Variants in ENOSF1 observed in about 807,000 individuals in gnomAD.
The protein encoded by ENOSF1 is enolase superfamily member 1, also known as mitochondrial enolase superfamily member 1.
ENOSF1 carries 73 observed loss-of-function variants against 68.2 expected under a neutral mutation model. The ratio of observed to expected loss-of-function variants is 1.07; its 90% CI spans 0.89 to 1.30. ENOSF1 has a LOEUF of 1.30. Among genes scored for constraint, ENOSF1 ranks in the 50% most tolerant of loss-of-function variants. The pLI is 0.00. For missense variants in ENOSF1, 589 were observed against 554.5 expected (o/e 1.06, Z -0.62); for synonymous variants, 223 against 210.4 (o/e 1.06, Z -0.52).
chr18:671,600 T>C lies in ENOSF1; in HGVS notation c.*2705A>G. 1 of 677,650 alleles carries C rather than the reference T, an allele frequency of 1.5e-6. No individual in the cohort carries two copies. Among genetic ancestry groups the C allele is most frequent in the Non-Finnish European group, 2.6e-6 (1 of 383,536 alleles). The allele number at this position is 677,650 out of a possible 1,614,324, so 42.0% of individuals were successfully genotyped here. A position where few individuals can be genotyped will look rare whatever the true frequency, so the allele number is the denominator to read the frequency against. On this transcript the variant is annotated 3_prime_UTR_variant, in exon 16 of 16. Coordinates refer to ENST00000647584, the MANE Select transcript of ENOSF1 (RefSeq NM_017512.7). ...AGTTTAGGGAGAAGTGGTGGGCAGG[T>C]GGGCAGGACAAGGCAGGCATCTGCC...
At chr18:691,980 A>G (rs2077230583) in intron 5 of ENOSF1, 1 of 152,380 alleles carries the variant, frequency 6.6e-6, no homozygotes, top group African/African-American at 2.4e-5. Flanking sequence ...ATGGTTCTGG[A>G]GCAGTGAACT....
At chr18:675,219 A>G (rs557993613) in intron 15 of ENOSF1, 102 bp downstream of exon 15, 21 of 885,884 alleles carry the variant, frequency 2.4e-5, no homozygotes, top group Middle Eastern at 3.2e-4. Flanking sequence ...TATTGCAAAC[A>G]AACAGGAGTC....
chr18:671,265 C>A lies in ENOSF1; in HGVS notation c.*3040G>T, dbSNP rs1478181036. On this transcript the variant is annotated 3_prime_UTR_variant, in exon 16 of 16. Coordinates refer to ENST00000647584, the MANE Select transcript of ENOSF1 (RefSeq NM_017512.7). Reference sequence around the variant, plus strand: ...GCTACAAAAAAATGGAAAAGCTACACTAAATTATTTTTTTAAAAAAAGCCT... The same window carrying A: ...GCTACAAAAAAATGGAAAAGCTACAATAAATTATTTTTTTAAAAAAAGCCT... 2.5e-6 allele frequency: 2 copies of A among 786,376 alleles called. No individual in the cohort carries two copies. Among genetic ancestry groups the A allele is most frequent in the Non-Finnish European group, 4.4e-6 (2 of 453,734 alleles). 48.7% of individuals were successfully genotyped at this position (786,376 alleles called of 1,614,324 possible).
intron 3 of ENOSF1, 80 bp from the exon 4 acceptor site, chr18:694,414 C>T (rs2077511332): frequency 7.3e-7 from 1 of 1,371,796 alleles, no homozygotes; most frequent in South Asian, 1.3e-5. Context: ...CCTGTAAACC[C>T]AGGACTTTGG....
intron 2 of ENOSF1, among the ~76,000 whole-genome samples, chr18:701,628 G>C (rs1426581333): frequency 6.6e-6 from 1 of 151,960 alleles, no homozygotes; most frequent in Non-Finnish European, 1.5e-5. Flanking sequence ...CGTGGTGGCA[G>C]GTGCCTGTAG....
chr18:673,799 G>C lies in ENOSF1; in HGVS notation c.*506C>G, dbSNP rs2075201823. 1 of 150,458 alleles carries C rather than the reference G, an allele frequency of 6.6e-6. No homozygotes were observed. Among genetic ancestry groups the C allele is most frequent in the Non-Finnish European group, 1.5e-5 (1 of 68,564 alleles). 9.3% of individuals were successfully genotyped at this position (150,458 alleles called of 1,614,324 possible). ...TACCATTTTGCCCTCATTAGCTTCA[G>C]CATGGTGTGACTTCTCTAATAATAT... On this transcript the variant is annotated 3_prime_UTR_variant, in exon 16 of 16. Coordinates refer to ENST00000647584, the MANE Select transcript of ENOSF1 (RefSeq NM_017512.7).
Position 670,617 on chromosome 18 carries a change from T to C in ENOSF1, c.*3688A>G, listed in dbSNP as rs2074998693. The C allele has an allele frequency of 6.5e-7, 1 of 1,530,600 alleles. No individual in the cohort carries two copies. 94.8% of individuals were successfully genotyped at this position (1,530,600 alleles called of 1,614,324 possible). On this transcript the variant is annotated 3_prime_UTR_variant, in exon 16 of 16. Transcript: ENST00000647584. ...CCATATGAGTTGGCTTCTGTTTCTC[T>C]CCTGTTTTACTTTGCCTTTAGCTGT...
chr18:700,998 C>T (rs764914389), intron 2 of ENOSF1, among the ~76,000 whole-genome samples: 35 of 151,592 alleles, frequency 2.3e-4, no homozygotes, highest in Non-Finnish European at 4.7e-4. Context: ...CAACTAAACC[C>T]GGGGGGTTTT....
intron 10 of ENOSF1, among the ~76,000 whole-genome samples, chr18:684,340 C>G (rs2076416890): frequency 6.6e-6 from 1 of 151,832 alleles, no homozygotes; most frequent in African/African-American, 2.4e-5. Flanking sequence ...CCAGGCTGGG[C>G]AACATAGCAA....
chr18:697,532 C>A (rs1490044339), intron 2 of ENOSF1, among the ~76,000 whole-genome samples, 177 bp from the exon 3 acceptor site: 1 of 152,184 alleles, frequency 6.6e-6, no homozygotes, highest in Non-Finnish European at 1.5e-5. Context: ...AGGAGGACCA[C>A]TTGAGATGAG....
intron 1 of ENOSF1, among the ~76,000 whole-genome samples, chr18:708,912 C>T (rs1025722532): frequency 1.3e-5 from 2 of 152,138 alleles, no homozygotes; most frequent in South Asian, 2.1e-4. Context: ...AAAGACCCAT[C>T]GGCAGTTTCT....
intron 2 of ENOSF1, among the ~76,000 whole-genome samples, chr18:704,334 C>A (rs1415226388): frequency 6.8e-6 from 1 of 147,662 alleles, no homozygotes; most frequent in Non-Finnish European, 1.5e-5. Context: ...GAGGCTGAGG[C>A]ATAAGAATTG....
At chr18:680,353 T>C (rs552577896) in intron 11 of ENOSF1, among the ~76,000 whole-genome samples, 1 of 152,258 alleles carries the variant, frequency 6.6e-6, no homozygotes, top group Non-Finnish European at 1.5e-5. Context: ...TGGTTATTTA[T>C]CTCCAAAGAG....
intron 6 of ENOSF1, 30 bp downstream of exon 6, chr18:691,174 T>G (rs1170794721): frequency 6.2e-7 from 1 of 1,613,602 alleles, no homozygotes; most frequent in Non-Finnish European, 8.5e-7. Context: ...TGTGTGCACG[T>G]CGTGTATCCC....
At chr18:683,482 G>A in intron 10 of ENOSF1, 102 bp from the exon 11 acceptor site, 6 of 1,382,866 alleles carry the variant, frequency 4.3e-6, no homozygotes, top group Non-Finnish European at 6.0e-6. Context: ...GCCACCAACA[G>A]CTGAGTGAGA....
At position 712,610 on chromosome 18, in the gene ENOSF1, G is replaced by A. The variant is rs1279346729; in HGVS notation, c.-23C>T. ...CATGGCCCCTGCGCCCCGTGGCCGC[G>A]GCCCCCGTGCGGTCAGGACTGGTCG... On this transcript the variant is annotated 5_prime_UTR_variant, in exon 1 of 16. Transcript: ENST00000647584. 5 of 1,531,380 alleles carry A rather than the reference G, an allele frequency of 3.3e-6. No individual in the cohort carries two copies. The highest frequency in any genetic ancestry group is 1.2e-5 in the South Asian group (1 of 83,604). The allele number at this position is 1,531,380 out of a possible 1,614,324, so 94.9% of individuals were successfully genotyped here. A position where few individuals can be genotyped will look rare whatever the true frequency, so the allele number is the denominator to read the frequency against.
At position 712,356 on chromosome 18, in the gene ENOSF1, G is replaced by C. The variant is rs3786350; in HGVS notation, c.84+148C>G. On this transcript the variant is annotated intron_variant, in intron 1 of 15. Coordinates refer to ENST00000647584, the MANE Select transcript of ENOSF1 (RefSeq NM_017512.7). Reference sequence around the variant, plus strand: ...GAGGGACCCGGGCCGCAAGCCGCGCGTACCATGGCGTCCGCGCTTACCATG... The same window carrying C: ...GAGGGACCCGGGCCGCAAGCCGCGCCTACCATGGCGTCCGCGCTTACCATG... 2 of 627,854 alleles carry C rather than the reference G, an allele frequency of 3.2e-6. 1 individual carries two copies. The highest frequency in any genetic ancestry group is 7.2e-5 in the Admixed American group (2 of 27,902). 38.9% of individuals were successfully genotyped at this position (627,854 alleles called of 1,614,324 possible).
At chr18:697,157 T>C (rs1232400886) in intron 3 of ENOSF1, 83 bp downstream of exon 3, 3 of 936,452 alleles carry the variant, frequency 3.2e-6, no homozygotes, top group African/African-American at 3.2e-5. Flanking sequence ...CCCATCTCTA[T>C]TTTCACATTC....
intron 7 of ENOSF1, 108 bp from the exon 8 acceptor site, chr18:690,739 TC>T (rs752946136): frequency 1.1e-5 from 13 of 1,208,044 alleles, no homozygotes; most frequent in Non-Finnish European, 1.1e-6. Context: ...GTTCTCCTGA[TC>T]CGGCCCTGCA....
Sources: gnomAD v4.1 joint callset for allele counts (sites outside exome capture counted in the v4.1 genomes callset) on GRCh38, gnomAD v4.1.1 for gene constraint, MANE v1.5 for transcripts, NCBI Gene and HGNC (gene_info 2026-07-23, HGNC 2026-07-21) for gene names.